PLSCR5: variants seen among roughly 807,000 people sequenced by gnomAD.
PLSCR5 encodes the protein phospholipid scramblase family, member 5.
PLSCR5 carries 44 observed loss-of-function variants against 33.6 expected under a neutral mutation model. The ratio of observed to expected loss-of-function variants is 1.31; its 90% CI spans 1.03 to 1.69. PLSCR5 has a LOEUF of 1.69. Ranked by LOEUF, PLSCR5 falls within the 40% of genes most tolerant of loss-of-function variation. PLSCR5 has a pLI of 0.00. For synonymous variants in PLSCR5, 148 were observed against 112.3 expected (o/e 1.32, Z -2.01); for missense variants, 375 against 318.7 (o/e 1.18, Z -1.34).
At chr3:146,590,027 T>TAGTC (rs2044700830) in intron 5 of PLSCR5, 1 of 360,970 alleles carries the variant, frequency 2.8e-6, no homozygotes, top group Non-Finnish European at 5.0e-6. Flanking sequence ...GACAGTTTTC[T>TAGTC]AGTCCATCAT....
intron 7 of PLSCR5, among the ~76,000 whole-genome samples, chr3:146,579,124 T>C (rs1218570311): frequency 1.3e-5 from 2 of 151,882 alleles, no homozygotes; most frequent in African/African-American, 4.8e-5. Flanking sequence ...CTATTTTTAA[T>C]GGCAAAAATT....
At chr3:146,602,661 G>A (rs1039130492) in intron 1 of PLSCR5, among the ~76,000 whole-genome samples, 2 of 152,014 alleles carry the variant, frequency 1.3e-5, no homozygotes, top group African/African-American at 2.4e-5. Context: ...ACAATAGCTA[G>A]TATAAGATTT....
At chr3:146,586,751 A>AG (rs397822894) in intron 6 of PLSCR5, among the ~76,000 whole-genome samples, 1 of 16,188 alleles carries the variant, frequency 6.2e-5, no homozygotes, top group Non-Finnish European at 1.4e-4. Context: ...TTCATTTGTG[A>AG]TTTAGATTTG....
rs772850894 is a variant in PLSCR5, at chr3:146,605,281, G to A, written c.-69C>T. 5.5e-5 allele frequency: 89 copies of A among 1,606,484 alleles called. No individual in the cohort carries two copies. In the Admixed American group the frequency reaches 1.0e-3, roughly 18 times the overall value. ...ACAAAGGCTTTTCTTGTTGCAGCAA[G>A]GAGAGAAAACGCAGCATGCACAAAA... On this transcript the variant is annotated 5_prime_UTR_variant, in exon 1 of 8. Coordinates refer to ENST00000443512, the MANE Select transcript of PLSCR5 (RefSeq NM_001085420.2).
intron 7 of PLSCR5, among the ~76,000 whole-genome samples, chr3:146,578,225 T>C (rs1400772920): frequency 6.6e-6 from 1 of 152,044 alleles, no homozygotes; most frequent in Non-Finnish European, 1.5e-5. Context: ...ATTACTCCAA[T>C]ATAATGTAAA....
At chr3:146,592,492 C>T (rs2044724510) in intron 4 of PLSCR5, among the ~76,000 whole-genome samples, 1 of 152,042 alleles carries the variant, frequency 6.6e-6, no homozygotes, top group African/African-American at 2.4e-5. Flanking sequence ...ACTCCATTAC[C>T]TTTACATATT....
intron 3 of PLSCR5, 132 bp downstream of exon 3, chr3:146,594,909 C>T: frequency 2.3e-6 from 1 of 439,828 alleles, no homozygotes; most frequent in Non-Finnish European, 3.8e-6. Flanking sequence ...AGACCTAGTA[C>T]TCTTTTTGAT....
In PLSCR5 at chr3:146,600,416, G is replaced by C. The variant is rs753163319; in HGVS notation, c.61C>G (p.Pro21Ala). Residue 21 changes from proline (P) to alanine (A), a missense_variant, in exon 2 of 8, where the codon CCA becomes GCA. By Grantham distance (27) the Pro-to-Ala change is conservative. Transcript: ENST00000443512. Reference sequence around the variant, plus strand: ...GCAGGAAGGCTTTGGTCTGGGTCTGGAGCTCCAGGAAGAAAACCAGGCAGA... The same window carrying C: ...GCAGGAAGGCTTTGGTCTGGGTCTGCAGCTCCAGGAAGAAAACCAGGCAGA... ...RGLPGFLPGA[P>A]DPDQSLPASS... 2 of 1,605,336 alleles carry C rather than the reference G, an allele frequency of 1.2e-6. No individual in the cohort carries two copies. Among genetic ancestry groups the C allele is most frequent in the Admixed American group, 1.7e-5 (1 of 59,472 alleles).
Position 146,600,444 on chromosome 3 carries a change from T to G in PLSCR5, c.33A>C (p.Arg11Ser). 1 of 1,596,796 alleles carries G rather than the reference T, an allele frequency of 6.3e-7. No individual in the cohort carries two copies. The highest frequency in any genetic ancestry group is 8.5e-7 in the Non-Finnish European group (1 of 1,169,750). ...CTCCAGGAAGAAAACCAGGCAGACC[T>G]CTTCTTTGGTTCTGGGCATCTGCAA... MASKDAQNQR[R>S]GLPGFLPGAP... The change falls in exon 2 of 8, where the codon AGA becomes AGC. Residue 11 changes from arginine to serine, a missense_variant. Arg to Ser is a moderately radical substitution (Grantham distance 110, BLOSUM62 -1). Coordinates refer to ENST00000443512, the MANE Select transcript of PLSCR5 (RefSeq NM_001085420.2).
rs780494516 is a variant in PLSCR5, at chr3:146,589,667, C to G, written c.763G>C (p.Ala255Pro). ...DVTVKAAMIG[A>P]CFLFDFMFFE... ...CCCATACTTACAAAGAGAAAACAGG[C>G]ACCGATCATTGCTGCTTTGACTGTT... The change falls in exon 6 of 8, where the codon GCC becomes CCC. Residue 255 changes from alanine to proline, a missense_variant. Physicochemically the swap from Ala to Pro is conservative, Grantham distance 27. Transcript: ENST00000443512. 1.3e-6 allele frequency: 2 copies of G among 1,587,612 alleles called. No homozygotes were observed. The highest frequency in any genetic ancestry group is 1.1e-5 in the South Asian group (1 of 87,420).
chr3:146,586,975 G>GA (rs1345287462), intron 6 of PLSCR5, among the ~76,000 whole-genome samples: 2 of 151,990 alleles, frequency 1.3e-5, no homozygotes, highest in African/African-American at 4.8e-5. Flanking sequence ...ATGGTAAAAA[G>GA]AAAAAAAGAG....
chr3:146,586,386 A>C (rs1199309947), intron 6 of PLSCR5, among the ~76,000 whole-genome samples: 4 of 152,208 alleles, frequency 2.6e-5, no homozygotes, highest in African/African-American at 9.6e-5. Context: ...TATCTGGAGA[A>C]GAAAAATTTA....
Position 146,593,947 on chromosome 3 carries a change from GCTGTTA to G in PLSCR5, c.420_425del (p.Asn141_Ser142del). 1 of 1,613,744 alleles carries G rather than the reference GCTGTTA, an allele frequency of 6.2e-7. No homozygotes were observed. Among genetic ancestry groups the G allele is most frequent in the Non-Finnish European group, 8.5e-7 (1 of 1,179,716 alleles). On this transcript the variant is annotated inframe_deletion, in exon 4 of 8. Coordinates refer to ENST00000443512, the MANE Select transcript of PLSCR5 (RefSeq NM_001085420.2). ...CTTGTAGGTAGCAAGGGCACCAGCA[GCTGTTA>G]CATCTCAAGGGCCTGTTCACTGTAA...
In PLSCR5 at chr3:146,594,095, C is replaced by G; in HGVS notation, c.278G>C (p.Ser93Thr). Residue 93 changes from serine (S) to threonine (T), a missense_variant, in exon 4 of 8, where the codon AGC (serine) becomes ACC (threonine). By Grantham distance (58) the Ser-to-Thr change is moderately conservative. Coordinates refer to ENST00000443512, the MANE Select transcript of PLSCR5 (RefSeq NM_001085420.2). ...TGCAAAGTAAATTCTTTGTCCCAAG[C>G]TGTTTTTAATCTCATATTTGTTGGA... ...ETSNKYEIKN[S>T]LGQRIYFAVE... 1.9e-6 allele frequency: 3 copies of G among 1,613,636 alleles called. No individual in the cohort carries two copies. The South Asian group carries it at 3.3e-5, about 18-fold the overall frequency.
At chr3:146,587,113 A>G (rs574057207) in intron 6 of PLSCR5, among the ~76,000 whole-genome samples, 2 of 152,258 alleles carry the variant, frequency 1.3e-5, no homozygotes, top group African/African-American at 2.4e-5. Flanking sequence ...TAGTGCATAG[A>G]GGAAGCACCT....
At chr3:146,584,560 G>A (rs1239715976), downstream of PLSCR5, among the ~76,000 whole-genome samples, 4 of 152,240 alleles carry the variant, frequency 2.6e-5, no homozygotes, top group Admixed American at 2.0e-4. Flanking sequence ...AAACTACTCT[G>A]CCTCAGGTAC....
downstream of PLSCR5, among the ~76,000 whole-genome samples, chr3:146,582,424 G>T (rs182185387): frequency 6.6e-6 from 1 of 152,158 alleles, no homozygotes; most frequent in Non-Finnish European, 1.5e-5. Context: ...ACAGAGTGGA[G>T]CTACCAGAAA....
intron 6 of PLSCR5, among the ~76,000 whole-genome samples, chr3:146,587,300 G>A (rs1008494014): frequency 1.3e-5 from 2 of 152,118 alleles, no homozygotes. Context: ...TATGGACTAA[G>A]AAATACATGC....
intron 5 of PLSCR5, 58 bp downstream of exon 5, chr3:146,591,662 A>G: frequency 6.7e-7 from 1 of 1,497,582 alleles, no homozygotes. Context: ...AAATTGAATT[A>G]TGTTGCAAAA....
Sources: gnomAD v4.1 joint callset for allele counts (sites outside exome capture counted in the v4.1 genomes callset) on GRCh38, gnomAD v4.1.1 for gene constraint, MANE v1.5 for transcripts, NCBI Gene and HGNC (gene_info 2026-07-23, HGNC 2026-07-21) for gene names.